Variants in FHIT observed in about 807,000 individuals in gnomAD.
FHIT encodes fragile histidine triad diadenosine triphosphatase.
FHIT carries 19 observed loss-of-function variants against 17.9 expected under a neutral mutation model. The ratio of observed to expected loss-of-function variants is 1.06; its 90% CI spans 0.74 to 1.56. FHIT has a LOEUF of 1.56. Among genes scored for constraint, FHIT ranks in the 40% most tolerant of loss-of-function variants. The pLI, the probability that FHIT is intolerant of heterozygous loss-of-function variation, is 0.00. For synonymous variants in FHIT, 81 were observed against 69.7 expected (o/e 1.16, Z -0.81); for missense variants, 248 against 189.2 (o/e 1.31, Z -1.82).
intron 8 of FHIT, among the ~76,000 whole-genome samples, chr3:59,822,726 A>C (rs561361552): frequency 6.6e-6 from 1 of 152,216 alleles, no homozygotes; most frequent in East Asian, 1.9e-4. Flanking sequence ...ATAGATTGTC[A>C]AGATTTTCTC....
rs746113510 is a variant in FHIT, at chr3:60,029,879, T to TTGTGTGTGTGTGTGTGTGTGTG, written c.104-15728_104-15727insCACACACACACACACACACACA. On this transcript the variant is annotated intron_variant, in intron 5 of 9. Transcript: ENST00000492590. ...TTGGGCAGATGTCCTCATAGAAGCA[T>TTGTGTGTGTGTGTGTGTGTGTG]TGTGTGTGTGTGTGTGTCTGTGTGT... Among the ~76,000 whole-genome samples the TTGTGTGTGTGTGTGTGTGTGTG allele has an allele frequency of 3.9e-4, 51 of 131,478 alleles. No homozygotes were observed. In the East Asian group the frequency reaches 4.7e-3, roughly 12 times the overall value. 86.3% of individuals were successfully genotyped at this position (131,478 alleles called of 152,430 possible). A position where few individuals can be genotyped will look rare whatever the true frequency, so the allele number is the denominator to read the frequency against.
chr3:60,196,371 A>C (rs1702640475), intron 5 of FHIT, among the ~76,000 whole-genome samples: 1 of 152,016 alleles, frequency 6.6e-6, no homozygotes, highest in Admixed American at 6.6e-5. Flanking sequence ...TCACACCACA[A>C]CACTCAGACC....
intron 7 of FHIT, among the ~76,000 whole-genome samples, chr3:59,959,704 GT>G (rs1559499549): frequency 6.6e-6 from 1 of 152,188 alleles, no homozygotes; most frequent in African/African-American, 2.4e-5. Flanking sequence ...TGGCCTCACA[GT>G]GTTCACAGTC....
chr3:60,407,898 C>G (rs1014975630), intron 5 of FHIT, among the ~76,000 whole-genome samples: 2 of 152,180 alleles, frequency 1.3e-5, no homozygotes, highest in Non-Finnish European at 2.9e-5. Context: ...CTTTGATGAA[C>G]TGTTGAACCC....
chr3:59,866,849 C>G (rs1575611059), intron 8 of FHIT, among the ~76,000 whole-genome samples: 5 of 152,200 alleles, frequency 3.3e-5, no homozygotes, highest in African/African-American at 9.6e-5. Flanking sequence ...GCCACTGTCT[C>G]TCACCGGCAA....
Position 61,185,435 on chromosome 3 carries a change from C to G in FHIT, c.-164+15182G>C, listed in dbSNP as rs192662433. ...GCAGACACAAGTGATCATCATCATA[C>G]GAACTTAATTTCTGACCAAATTCCA... On this transcript the variant is annotated intron_variant, in intron 2 of 9. Coordinates refer to ENST00000492590, the MANE Select transcript of FHIT (RefSeq NM_002012.4). Among the ~76,000 whole-genome samples the G allele has an allele frequency of 5.9e-5, 9 of 152,260 alleles. No homozygotes were observed. The East Asian group carries it at 1.5e-3, about 26-fold the overall frequency.
chr3:59,910,007 A>G (rs760359471), intron 8 of FHIT, among the ~76,000 whole-genome samples: 30 of 152,158 alleles, frequency 2.0e-4, no homozygotes, highest in Non-Finnish European at 3.1e-4. Flanking sequence ...TCCATTCAAT[A>G]TTATATCCCA....
intron 8 of FHIT, among the ~76,000 whole-genome samples, chr3:59,898,453 T>A (rs927583700): frequency 1.7e-5 from 2 of 116,394 alleles, no homozygotes; most frequent in Non-Finnish European, 3.5e-5. Context: ...TGTGTGTGTG[T>A]GTGTGTGTGT....
chr3:60,114,304 A>G (rs1241354222), intron 5 of FHIT, among the ~76,000 whole-genome samples: 5 of 149,990 alleles, frequency 3.3e-5, no homozygotes, highest in African/African-American at 9.8e-5. Context: ...AAAATCTCCA[A>G]CTCCTAAGAT....
chr3:60,181,221 C>G (rs1057250106), intron 5 of FHIT, among the ~76,000 whole-genome samples: 1 of 148,786 alleles, frequency 6.7e-6, no homozygotes, highest in African/African-American at 2.5e-5. Flanking sequence ...TCTTGGCTCA[C>G]TACAACCTCT....
rs906738025 is a variant in FHIT at position 60,181,529 on chromosome 3, T to A, written c.104-167377A>T. The stretch of plus-strand genomic sequence containing the variant: ...GGAATTTCCCAAGGATATATAGCTA[T>A]AGGCTAGGATTCATGGCCTGGTCTA... On this transcript the variant is annotated intron_variant, in intron 5 of 9. Transcript: ENST00000492590. Among the ~76,000 whole-genome samples, 4 of 152,092 alleles carry A rather than the reference T, an allele frequency of 2.6e-5. No individual in the cohort carries two copies. The South Asian group carries it at 6.2e-4, about 24-fold the overall frequency.
chr3:60,765,988 T>A (rs141805552), intron 4 of FHIT, among the ~76,000 whole-genome samples: 2 of 152,176 alleles, frequency 1.3e-5, no homozygotes, highest in Non-Finnish European at 2.9e-5. Flanking sequence ...GGCCACAGTC[T>A]GAAGCCTGCA....
At chr3:61,140,198 A>T (rs2106997120) in intron 2 of FHIT, among the ~76,000 whole-genome samples, 1 of 152,278 alleles carries the variant, frequency 6.6e-6, no homozygotes, top group African/African-American at 2.4e-5. Context: ...AAAACATTTA[A>T]ATAATAGTGA....
In FHIT at chr3:60,173,913, A is replaced by ATTTTTTTTTT. The variant is rs1359545917; in HGVS notation, c.104-159762_104-159761insAAAAAAAAAA. On this transcript the variant is annotated intron_variant, in intron 5 of 9. Coordinates refer to ENST00000492590, the MANE Select transcript of FHIT (RefSeq NM_002012.4). ...TATATATATATATATATATATATAT[A>ATTTTTTTTTT]TATGTTTTTTTTTTTTTTTGAGATC... Among the ~76,000 whole-genome samples the ATTTTTTTTTT allele has an allele frequency of 1.3e-4, 9 of 68,500 alleles. 1 individual carries two copies. The highest frequency in any genetic ancestry group is 7.7e-4 in the East Asian group (1 of 1,304). The allele number at this position is 68,500 out of a possible 152,430, so 44.9% of individuals were successfully genotyped here. A position where few individuals can be genotyped will look rare whatever the true frequency, so the allele number is the denominator to read the frequency against.
chr3:60,215,234 G>A (rs1284649676), intron 5 of FHIT, among the ~76,000 whole-genome samples: 2 of 152,146 alleles, frequency 1.3e-5, no homozygotes, highest in Non-Finnish European at 2.9e-5. Flanking sequence ...GCTCACAGCT[G>A]TAATCCCAGC....
chr3:60,071,919 C>T (rs1328795372), intron 5 of FHIT, among the ~76,000 whole-genome samples: 1 of 152,154 alleles, frequency 6.6e-6, no homozygotes. Context: ...TTGCCTGCCA[C>T]CATGTAAGAC....
intron 3 of FHIT, among the ~76,000 whole-genome samples, chr3:60,987,416 T>A (rs1250891811): frequency 2.0e-5 from 3 of 152,222 alleles, no homozygotes. Context: ...AACAATAGCA[T>A]GAGCAATCTG....
intron 3 of FHIT, among the ~76,000 whole-genome samples, chr3:61,002,095 A>C (rs2031124376): frequency 6.6e-6 from 1 of 152,240 alleles, no homozygotes; most frequent in South Asian, 2.1e-4. Flanking sequence ...TGATTAAATC[A>C]AGGTAATTAA....
chr3:59,917,875 A>C (rs1705208933), intron 8 of FHIT, among the ~76,000 whole-genome samples: 1 of 152,260 alleles, frequency 6.6e-6, no homozygotes, highest in African/African-American at 2.4e-5. Flanking sequence ...TGTTATAGCC[A>C]CCACACAAAT....
Sources: gnomAD v4.1 joint callset for allele counts (sites outside exome capture counted in the v4.1 genomes callset) on GRCh38, gnomAD v4.1.1 for gene constraint, MANE v1.5 for transcripts, NCBI Gene and HGNC (gene_info 2026-07-23, HGNC 2026-07-21) for gene names.